The following CELSR1 variants were observed in gnomAD, a reference collection of about 807,000 sequenced individuals.
CELSR1 encodes the protein cadherin EGF LAG seven-pass G-type receptor 1, also known as adhesion G protein-coupled receptor C1.
In CELSR1, 110 loss-of-function variants were observed where a neutral mutation model predicts 249.1. The ratio of observed to expected loss-of-function variants is 0.44; its 90% CI spans 0.38 to 0.52. The LOEUF (loss-of-function observed/expected upper bound fraction) is 0.52, where lower values mean the gene tolerates loss of function less well. Ranked by LOEUF, CELSR1 falls within the 20% of genes least tolerant of loss-of-function variation. CELSR1 has a pLI of 0.00. For synonymous variants in CELSR1, 2,113 were observed against 1,900.0 expected, an observed-to-expected ratio of 1.11 and a Z score of -2.92; for missense variants, 4,109 against 4,296.4, an observed-to-expected ratio of 0.96 and a Z score of 1.22.
At chr22:46,496,237 C>T (rs943535992) in intron 1 of CELSR1, among the ~76,000 whole-genome samples, 2 of 149,792 alleles carry the variant, frequency 1.3e-5, no homozygotes, top group Non-Finnish European at 3.0e-5. Context: ...TTTGTAACAA[C>T]ACTTAGCTTA....
Position 46,412,458 on chromosome 22 carries a change from A to T in CELSR1, c.4612-699T>A, listed in dbSNP as rs372708576. Among the ~76,000 whole-genome samples the T allele has an allele frequency of 6.6e-6, 1 of 152,264 alleles. No individual in the cohort carries two copies. The highest frequency in any genetic ancestry group is 2.4e-5 in the African/African-American group (1 of 41,574). ...GTGCTCCTGGAGTACAGACACCAGG[A>T]GGCCACTGCCCGGCCTGCAGACGGC... On this transcript the variant is annotated intron_variant, in intron 5 of 34. Transcript: ENST00000674500. The surrounding 1 kb of genome is among the most constrained non-coding windows in gnomAD (Gnocchi z 4.5).
Position 46,464,320 on chromosome 22 carries a change from G to C in CELSR1, c.3570C>G (p.Phe1190Leu). 6.2e-7 allele frequency: 1 copy of C among 1,612,310 alleles called. No individual in the cohort carries two copies. The highest frequency in any genetic ancestry group is 8.5e-7 in the Non-Finnish European group (1 of 1,179,474). Residue 1190 changes from phenylalanine to leucine, a missense_variant, in exon 2 of 35, where the codon TTC becomes TTG. By Grantham distance (22) the Phe-to-Leu change is conservative. Around this residue, in one of 7 missense-constraint regions of CELSR1, gnomAD observed 886 missense variants for 896.5 expected, o/e 0.99. Transcript: ENST00000674500. The surrounding 1 kb of genome is among the most constrained non-coding windows in gnomAD (Gnocchi z 8.5). ...TGATGATGGTGACACGCAGGGTGCA[G>C]AAGGCCGTGACGCTGTGGATGCCAT... Reference protein sequence around the residue: ...VSDGIHSVTAFCTLRVTIITD... With the variant: ...VSDGIHSVTALCTLRVTIITD...
chr22:46,422,532 A>G (rs1032661050), intron 5 of CELSR1, among the ~76,000 whole-genome samples: 37 of 151,718 alleles, frequency 2.4e-4, no homozygotes, highest in African/African-American at 8.9e-4. Flanking sequence ...CAGGTGACTG[A>G]GACCATCCTG....
Position 46,402,189 on chromosome 22 carries a change from C to A in CELSR1, c.5227-2287G>T, listed in dbSNP as rs907063025. ...AGCAAACATGGAAGATAATGACATC[C>A]CCATCATCCCCATTCTAGTTTCTCT... is the stretch of plus-strand genomic sequence containing the variant. On this transcript the variant is annotated intron_variant, in intron 9 of 34. Coordinates refer to ENST00000674500, the MANE Select transcript of CELSR1 (RefSeq NM_001378328.1). This position sits in a 1 kb window ranked among gnomAD's most constrained non-coding sequence, Gnocchi z 5.0. Among the ~76,000 whole-genome samples the A allele has an allele frequency of 5.3e-5, 8 of 152,166 alleles. No individual in the cohort carries two copies. In the East Asian group the frequency reaches 1.5e-3, roughly 29 times the overall value.
intron 3 of CELSR1, among the ~76,000 whole-genome samples, chr22:46,438,973 G>A (rs2079701669): frequency 6.6e-6 from 1 of 152,124 alleles, no homozygotes; most frequent in Middle Eastern, 3.2e-3. Flanking sequence ...GACTAGGCTG[G>A]TCTCAAACTC....
At chr22:46,509,938 C>G (rs75239603) in intron 1 of CELSR1, among the ~76,000 whole-genome samples, 4,446 of 152,312 alleles carry the variant, frequency 0.029, 226 homozygotes, top group African/African-American at 0.1. Flanking sequence ...CTGCCCGGCT[C>G]CACTCACAGG....
At chr22:46,368,023 C>G (rs1362670322) in intron 27 of CELSR1, among the ~76,000 whole-genome samples, 168 bp from the exon 28 acceptor site, 1 of 152,188 alleles carries the variant, frequency 6.6e-6, no homozygotes. Flanking sequence ...CCCCTCGTAG[C>G]CAGGTACGGA....
At chr22:46,394,869 G>A (rs1264479978) in intron 13 of CELSR1, among the ~76,000 whole-genome samples, 1 of 152,232 alleles carries the variant, frequency 6.6e-6, no homozygotes, top group East Asian at 1.9e-4. Context: ...CTGAAGATGA[G>A]CAACACTGCA....
rs957250767 is a variant in CELSR1 at position 46,468,587 on chromosome 22, G to A, written c.3545-4242C>T. 5.9e-5 allele frequency among the ~76,000 whole-genome samples: 9 copies of A among 152,128 alleles called. No homozygotes were observed. The highest frequency in any genetic ancestry group is 7.4e-5 in the Non-Finnish European group (5 of 68,024). On this transcript the variant is annotated intron_variant, in intron 1 of 34. Coordinates refer to ENST00000674500, the MANE Select transcript of CELSR1 (RefSeq NM_001378328.1). This position sits in a 1 kb window ranked among gnomAD's most constrained non-coding sequence, Gnocchi z 4.5. ...ATAGAGGCAGAAAGTAGAATGATGG[G>A]TGCCACGGGTGGGGAGGCAGATTGG...
intron 2 of CELSR1, among the ~76,000 whole-genome samples, chr22:46,461,276 A>G (rs931394969): frequency 1.6e-4 from 25 of 152,364 alleles, no homozygotes; most frequent in African/African-American, 5.8e-4. Flanking sequence ...TCTCATGCCA[A>G]TCATTACATG....
At chr22:46,510,418 C>T (rs972339749) in intron 1 of CELSR1, among the ~76,000 whole-genome samples, 2 of 152,108 alleles carry the variant, frequency 1.3e-5, no homozygotes, top group East Asian at 1.9e-4. Flanking sequence ...GAGCCAGACA[C>T]ACAAACAGTC....
rs538487502 is a variant in CELSR1 at position 46,363,889 on chromosome 22, C to T, written c.9035+107G>A. 1.2e-4 allele frequency: 160 copies of T among 1,387,968 alleles called. No individual in the cohort carries two copies. Among genetic ancestry groups the T allele is most frequent in the Non-Finnish European group, 1.5e-4 (153 of 1,055,148 alleles). The allele number at this position is 1,387,968 out of a possible 1,614,324, so 86.0% of individuals were successfully genotyped here. ...GCCTGGGCTTCCTCTGCACTCAGGG[C>T]TCCAGGTGAGGTGGGTGTCAGGTCC... On this transcript the variant is annotated intron_variant, in intron 34 of 34. Coordinates refer to ENST00000674500, the MANE Select transcript of CELSR1 (RefSeq NM_001378328.1). This position sits in a 1 kb window ranked among gnomAD's most constrained non-coding sequence, Gnocchi z 4.3.
chr22:46,533,517 G>C, intron 1 of CELSR1, 110 bp downstream of exon 1: 1 of 1,439,688 alleles, frequency 6.9e-7, no homozygotes, highest in Non-Finnish European at 9.2e-7. Flanking sequence ...AGAGTTGCCC[G>C]GGCCCGGCCC....
At chr22:46,443,763 T>G (rs763620281) in intron 2 of CELSR1, among the ~76,000 whole-genome samples, 2 of 152,266 alleles carry the variant, frequency 1.3e-5, no homozygotes, top group Non-Finnish European at 2.9e-5. Flanking sequence ...CACACTCATA[T>G]GAGCAAGTCA....
At position 46,386,456 on chromosome 22, in the gene CELSR1, G is replaced by C. The variant is rs139210959; in HGVS notation, c.6685C>G (p.Arg2229Gly). 5 of 1,603,510 alleles carry C rather than the reference G, an allele frequency of 3.1e-6. No homozygotes were observed. In the South Asian group the frequency reaches 3.3e-5, roughly 11 times the overall value. The change falls in exon 19 of 35, where the codon CGC becomes GGC. Residue 2229 changes from arginine to glycine, a missense_variant. By Grantham distance (125) the Arg-to-Gly change is moderately radical. This residue lies in a region of CELSR1 where 1,805 missense variants were observed against 1,831.6 expected (regional missense o/e 0.99). Transcript: ENST00000674500. ...RLEGYFSNVA[R>G]NVRRTYLRPF... ...CGCAGGTACGTCCGCCGCACGTTGCGTGCCACGTTGCTGAAGTAGCCCTCG... is the reference window on the plus strand; with the variant it reads ...CGCAGGTACGTCCGCCGCACGTTGCCTGCCACGTTGCTGAAGTAGCCCTCG...
In CELSR1 at chr22:46,463,744, C is replaced by T. The variant is rs752139971; in HGVS notation, c.4146G>A (p.Glu1382=). ...CGANGRCRSR[E]GGYTCECFED... is the part of the protein sequence containing the mutation. ...CGAAGCACTCGCAGGTGTAGCCGCC[C>T]TCGCGGCTGCGGCAGCGGCCGTTGG... Residue 1382 remains glutamate (E), a synonymous_variant, in exon 2 of 35, where the codon GAG becomes GAA. Transcript: ENST00000674500. 2.6e-6 allele frequency: 4 copies of T among 1,541,754 alleles called. No homozygotes were observed. The highest frequency in any genetic ancestry group is 3.5e-6 in the Non-Finnish European group (4 of 1,145,356).
chr22:46,414,745 G>A (rs80141973), intron 5 of CELSR1, among the ~76,000 whole-genome samples: 1,569 of 152,314 alleles, frequency 0.01, 28 homozygotes, highest in African/African-American at 0.036. Flanking sequence ...AGCATTAAAC[G>A]CAGAACTACT....
chr22:46,489,484 C>A (rs538265194), intron 1 of CELSR1, among the ~76,000 whole-genome samples: 1 of 152,104 alleles, frequency 6.6e-6, no homozygotes, highest in South Asian at 2.1e-4. Context: ...TACGGGACAT[C>A]CACTGCTTGG....
Position 46,363,297 on chromosome 22 carries a change from C to A in CELSR1, c.9036-50G>T. 1 of 1,540,704 alleles carries A rather than the reference C, an allele frequency of 6.5e-7. No homozygotes were observed. The highest frequency in any genetic ancestry group is 8.9e-7 in the Non-Finnish European group (1 of 1,120,168). Reference sequence around the variant, plus strand: ...GCAGGTGAAGGGTCAGTGAGGGTAGCGGCTTGGTGGGGCCCAAGGTTGTCA... The same window carrying A: ...GCAGGTGAAGGGTCAGTGAGGGTAGAGGCTTGGTGGGGCCCAAGGTTGTCA... On this transcript the variant is annotated intron_variant, in intron 34 of 34. Coordinates refer to ENST00000674500, the MANE Select transcript of CELSR1 (RefSeq NM_001378328.1). This position sits in a 1 kb window ranked among gnomAD's most constrained non-coding sequence, Gnocchi z 4.3.
Sources: gnomAD v4.1 joint callset for allele counts (sites outside exome capture counted in the v4.1 genomes callset) on GRCh38, gnomAD v4.1.1 for gene constraint, gnomAD v4.1.1 regional missense constraint, Gnocchi (gnomAD v3.1) non-coding constraint, MANE v1.5 for transcripts, NCBI Gene and HGNC (gene_info 2026-07-23, HGNC 2026-07-21) for gene names.